The following EIF4G3 variants were observed in gnomAD, a reference collection of about 807,000 sequenced individuals.
EIF4G3 encodes eIF-4-gamma 3.
In EIF4G3, 34 loss-of-function variants were observed where a neutral mutation model predicts 186.4. The ratio of observed to expected loss-of-function variants is 0.18; its 90% CI spans 0.14 to 0.24. The LOEUF (loss-of-function observed/expected upper bound fraction) is 0.24, where lower values mean the gene tolerates loss of function less well. Among genes scored for constraint, EIF4G3 ranks in the 10% least tolerant of loss-of-function variants. EIF4G3 has a pLI of 1.00. For missense variants in EIF4G3, 1,536 were observed against 1,948.5 expected (o/e 0.79, Z 3.99); for synonymous variants, 673 against 679.5 (o/e 0.99, Z 0.15).
intron 34 of EIF4G3, among the ~76,000 whole-genome samples, chr1:20,814,791 CT>C (rs1212881574): frequency 2.8e-5 from 3 of 108,798 alleles, no homozygotes; most frequent in African/African-American, 1.1e-4. Context: ...CCCCCTCTCC[CT>C]CTCCCCACAG....
intron 17 of EIF4G3, among the ~76,000 whole-genome samples, chr1:20,894,538 C>A (rs1317612104): frequency 6.6e-6 from 1 of 152,202 alleles, no homozygotes; most frequent in Non-Finnish European, 1.5e-5. Context: ...ATGCCGGAGG[C>A]TGCAAATTTT....
intron 34 of EIF4G3, among the ~76,000 whole-genome samples, chr1:20,815,614 T>C (rs1367263350): frequency 6.7e-6 from 1 of 149,232 alleles, no homozygotes; most frequent in African/African-American, 2.5e-5. Context: ...GTGAGGAGCC[T>C]CTCCGCCCGG....
At chr1:20,950,966 C>T (rs538381048) in intron 12 of EIF4G3, among the ~76,000 whole-genome samples, 1 of 152,268 alleles carries the variant, frequency 6.6e-6, no homozygotes, top group East Asian at 1.9e-4. Flanking sequence ...CAGTGTCTCT[C>T]CTCGGAGATC....
chr1:20,997,702 C>T, intron 6 of EIF4G3, 69 bp from the exon 7 acceptor site: 2 of 1,225,704 alleles, frequency 1.6e-6, no homozygotes, highest in Non-Finnish European at 2.2e-6. Context: ...CAACAAAAAC[C>T]AAAATTTCAC....
chr1:20,980,070 A>G, intron 10 of EIF4G3, among the ~76,000 whole-genome samples: 1 of 152,154 alleles, frequency 6.6e-6, no homozygotes, highest in African/African-American at 2.4e-5. Context: ...GCAGAGTGGC[A>G]TGTGCCAGTA....
In EIF4G3 at chr1:20,932,257, C is replaced by T. The variant is rs543234581; in HGVS notation, c.1663+9234G>A. On this transcript the variant is annotated intron_variant, in intron 14 of 36. Transcript: ENST00000602326. ...ACTTAGGGCACTGTTTTGGATGAGG[C>T]TTTGACTTAAGGGAATGTTGTGGCT... 3.3e-5 allele frequency among the ~76,000 whole-genome samples: 5 copies of T among 152,266 alleles called. No homozygotes were observed. The East Asian group carries it at 9.7e-4, about 29-fold the overall frequency.
At chr1:21,040,930 G>T (rs1388390420) in intron 4 of EIF4G3, among the ~76,000 whole-genome samples, 1 of 152,040 alleles carries the variant, frequency 6.6e-6, no homozygotes, top group African/African-American at 2.4e-5. Flanking sequence ...ACCAATTCAG[G>T]TGTTTCTGTA....
At chr1:21,118,414 G>A (rs183915956) in intron 2 of EIF4G3, among the ~76,000 whole-genome samples, 7 of 152,316 alleles carry the variant, frequency 4.6e-5, no homozygotes, top group Admixed American at 4.6e-4. Flanking sequence ...TATCTGTGAA[G>A]CTACAGGTAG....
intron 4 of EIF4G3, among the ~76,000 whole-genome samples, chr1:21,031,752 AG>A (rs1336971848): frequency 2.0e-5 from 3 of 152,224 alleles, no homozygotes; most frequent in African/African-American, 7.2e-5. Context: ...AAATAGCAGA[AG>A]CAGAATTTCT....
chr1:20,889,403 T>C (rs751956287), intron 18 of EIF4G3, among the ~76,000 whole-genome samples: 7 of 152,264 alleles, frequency 4.6e-5, no homozygotes, highest in Non-Finnish European at 8.8e-5. Context: ...AAATTACTTA[T>C]ATAGGTCCAA....
In EIF4G3 at chr1:21,000,666, A is replaced by C. The variant is rs140987630; in HGVS notation, c.144+533T>G. On this transcript the variant is annotated intron_variant, in intron 6 of 36. Coordinates refer to ENST00000602326, the MANE Select transcript of EIF4G3 (RefSeq NM_001391906.1). ...AAAGAAAATCAAACCTAAAACAAGA[A>C]GCAAGAGTAGTCTGGGGTCTGCTAG... Among the ~76,000 whole-genome samples, 390 of 152,228 alleles carry C rather than the reference A, an allele frequency of 2.6e-3. 2 individuals carry two copies. The highest frequency in any genetic ancestry group is 4.6e-3 in the Non-Finnish European group (310 of 68,002).
Position 20,895,398 on chromosome 1 carries a change from C to G in EIF4G3, c.2103G>C (p.Leu701=). 1 of 1,613,944 alleles carries G rather than the reference C, an allele frequency of 6.2e-7. No individual in the cohort carries two copies. Among genetic ancestry groups the G allele is most frequent in the Non-Finnish European group, 8.5e-7 (1 of 1,179,890 alleles). The change falls in exon 17 of 37, where the codon CTG becomes CTC. Residue 701 remains leucine (L), a synonymous_variant. Coordinates refer to ENST00000602326, the MANE Select transcript of EIF4G3 (RefSeq NM_001391906.1). The stretch of plus-strand genomic sequence containing the variant: ...CAAGAACCACATCACTGATAGGAGG[C>G]AGGCCCTCTGGTTTTTGTATACAGG... ...MPACIQKPEG[L]PPISDVVLDK...
intron 10 of EIF4G3, among the ~76,000 whole-genome samples, chr1:20,977,228 C>T (rs1189010328): frequency 6.6e-6 from 1 of 151,836 alleles, no homozygotes; most frequent in African/African-American, 2.4e-5. Context: ...GCTCTGTCAC[C>T]CAGGTTGGAG....
intron 14 of EIF4G3, among the ~76,000 whole-genome samples, chr1:20,928,578 A>G (rs1056346942): frequency 1.4e-4 from 22 of 151,822 alleles, no homozygotes; most frequent in African/African-American, 5.1e-4. Flanking sequence ...ATTTTTTTCT[A>G]TTTTTAGTAG....
rs144268906 is a variant in EIF4G3 at position 21,061,874 on chromosome 1, A to C, written c.-195-10880T>G. Among the ~76,000 whole-genome samples the C allele has an allele frequency of 7.2e-3, 1,089 of 151,712 alleles. 5 individuals are homozygous for C. Among genetic ancestry groups the C allele is most frequent in the Non-Finnish European group, 0.012 (840 of 67,940 alleles). Reference sequence around the variant, plus strand: ...GCAATTCTCCTGCCTTAGCCTCCCAAGTAGCTGGGACTACAGGCACATGCC... The same window carrying C: ...GCAATTCTCCTGCCTTAGCCTCCCACGTAGCTGGGACTACAGGCACATGCC... On this transcript the variant is annotated intron_variant, in intron 3 of 36. Coordinates refer to ENST00000602326, the MANE Select transcript of EIF4G3 (RefSeq NM_001391906.1).
chr1:20,977,212 A>T (rs916628733), intron 10 of EIF4G3, among the ~76,000 whole-genome samples: 1 of 150,556 alleles, frequency 6.6e-6, no homozygotes, highest in African/African-American at 2.4e-5. Context: ...TTTTAGATGG[A>T]GTCTCGCTCT....
intron 7 of EIF4G3, 104 bp from the exon 8 acceptor site, chr1:20,982,512 AAT>A (rs2078516476): frequency 2.9e-6 from 2 of 701,496 alleles, no homozygotes; most frequent in Non-Finnish European, 4.4e-6. Context: ...GCTCAACAAA[AAT>A]ATCTTTCTAT....
chr1:21,054,441 G>T (rs1300302743), intron 3 of EIF4G3, among the ~76,000 whole-genome samples: 1 of 148,368 alleles, frequency 6.7e-6, no homozygotes, highest in Non-Finnish European at 1.5e-5. Context: ...ATCCCCCTCT[G>T]CGAGAAACAC....
intron 10 of EIF4G3, among the ~76,000 whole-genome samples, chr1:20,975,596 T>A (rs2076696555): frequency 6.7e-6 from 1 of 150,138 alleles, no homozygotes; most frequent in Admixed American, 6.6e-5. Flanking sequence ...ACTAATATAC[T>A]ACTGCCTATA....
Sources: gnomAD v4.1 joint callset for allele counts (sites outside exome capture counted in the v4.1 genomes callset) on GRCh38, gnomAD v4.1.1 for gene constraint, MANE v1.5 for transcripts, NCBI Gene and HGNC (gene_info 2026-07-23, HGNC 2026-07-21) for gene names.